Variants in C4orf51 observed in about 807,000 individuals in gnomAD.
C4orf51 encodes the protein uncharacterized protein C4orf51.
A neutral mutation model predicts 25.2 loss-of-function variants in C4orf51; 25 were observed. The ratio of observed to expected loss-of-function variants is 0.99; its 90% CI spans 0.72 to 1.39. The LOEUF is 1.39. C4orf51 is among the 40% of genes most tolerant of loss of function. The pLI is 0.00. For synonymous variants in C4orf51, 100 were observed against 84.5 expected, an observed-to-expected ratio of 1.18 and a Z score of -1.01; for missense variants, 252 against 239.6, an observed-to-expected ratio of 1.05 and a Z score of -0.34.
intron 1 of C4orf51, among the ~76,000 whole-genome samples, chr4:145,683,734 C>T (rs1489333095): frequency 6.6e-6 from 1 of 152,142 alleles, no homozygotes; most frequent in African/African-American, 2.4e-5. Flanking sequence ...ATACCATTCA[C>T]AAAAATTAAC....
the C4orf51 span, among the ~76,000 whole-genome samples, chr4:145,784,323 A>G: frequency 8.3e-4 from 126 of 152,350 alleles, no homozygotes; most frequent in Admixed American, 1.2e-3. Context: ...TGTGAGGGAA[A>G]TAAGTCCCTG....
intron 2 of C4orf51, among the ~76,000 whole-genome samples, chr4:145,702,475 A>G (rs933143394): frequency 2.6e-5 from 4 of 152,092 alleles, no homozygotes; most frequent in Non-Finnish European, 5.9e-5. Flanking sequence ...GACAGCCCCC[A>G]TTACTTCAGT....
chr4:145,724,880 C>CAAAAAAAAA (rs1222983724), intron 2 of C4orf51, among the ~76,000 whole-genome samples: 63 of 68,090 alleles, frequency 9.3e-4, no homozygotes, highest in East Asian at 1.3e-3. Context: ...AAGACTGTCT[C>CAAAAAAAAA]AAAAAAAAAA....
intron 2 of C4orf51, among the ~76,000 whole-genome samples, chr4:145,725,615 A>T (rs1286600061): frequency 2.0e-5 from 3 of 152,174 alleles, no homozygotes; most frequent in Non-Finnish European, 2.9e-5. Context: ...AAAAGAACAA[A>T]ATACTAAAAC....
the C4orf51 span, among the ~76,000 whole-genome samples, chr4:145,776,470 A>G: frequency 1.3e-5 from 1 of 74,908 alleles, no homozygotes; most frequent in African/African-American, 6.0e-5. Flanking sequence ...CAAAAAAAAG[A>G]AAAAAAAAAA....
downstream of C4orf51, among the ~76,000 whole-genome samples, chr4:145,775,033 G>A (rs772885728): frequency 2.0e-5 from 3 of 152,128 alleles, no homozygotes; most frequent in African/African-American, 7.2e-5. Context: ...AGTGGTGCCG[G>A]TCCACTGATA....
chr4:145,774,551 T>C (rs199894877), downstream of C4orf51: 126 of 1,612,506 alleles, frequency 7.8e-5, no homozygotes, highest in Non-Finnish European at 6.9e-5. Context: ...GCTTCCTCCA[T>C]GGTGACGAAG....
At chr4:145,729,012 T>C (rs913899064) in intron 3 of C4orf51, among the ~76,000 whole-genome samples, 157 bp from the exon 4 acceptor site, 6 of 151,900 alleles carry the variant, frequency 3.9e-5, no homozygotes, top group Non-Finnish European at 8.8e-5. Context: ...CCCAAGTGGC[T>C]GAGACTACAC....
chr4:145,699,087 C>T (rs74212310), intron 2 of C4orf51, among the ~76,000 whole-genome samples: 4 of 151,654 alleles, frequency 2.6e-5, no homozygotes, highest in Admixed American at 6.6e-5. Flanking sequence ...CACTCCTGCC[C>T]GCCAGAGAAC....
downstream of C4orf51, among the ~76,000 whole-genome samples, chr4:145,737,226 A>T (rs1049339039): frequency 6.6e-6 from 1 of 152,196 alleles, no homozygotes; most frequent in African/African-American, 2.4e-5. Context: ...AGATTCAGGG[A>T]TCACATTTCC....
At chr4:145,699,383 G>A (rs1385668720) in intron 2 of C4orf51, among the ~76,000 whole-genome samples, 3 of 149,366 alleles carry the variant, frequency 2.0e-5, no homozygotes, top group Admixed American at 1.3e-4. Context: ...TCCTCAGACC[G>A]ACCAGCCCAA....
At chr4:145,741,916 G>C (rs958444520) in intron 1 of C4orf51, among the ~76,000 whole-genome samples, 1 of 152,074 alleles carries the variant, frequency 6.6e-6, no homozygotes, top group African/African-American at 2.4e-5. Flanking sequence ...GGCCAGGGTG[G>C]TCTCAAACTC....
chr4:145,685,516 G>C (rs1729097921), intron 1 of C4orf51, among the ~76,000 whole-genome samples: 1 of 152,200 alleles, frequency 6.6e-6, no homozygotes, highest in Non-Finnish European at 1.5e-5. Flanking sequence ...GTGTGTGAGA[G>C]GGTCGTGCTC....
intron 1 of C4orf51, among the ~76,000 whole-genome samples, chr4:145,687,291 C>G (rs60087837): frequency 0.037 from 5,565 of 152,206 alleles, 293 homozygotes; most frequent in African/African-American, 0.12. Flanking sequence ...AGTTGTCCTG[C>G]CTTTCCAGAC....
chr4:145,693,115 G>C (rs1366462027), intron 1 of C4orf51, among the ~76,000 whole-genome samples: 4 of 146,644 alleles, frequency 2.7e-5, no homozygotes, highest in Non-Finnish European at 6.0e-5. Flanking sequence ...CAATAGTGGA[G>C]GGAAGGTCAG....
the C4orf51 span, among the ~76,000 whole-genome samples, chr4:145,785,085 A>C: frequency 6.6e-6 from 1 of 152,194 alleles, no homozygotes; most frequent in African/African-American, 2.4e-5. Flanking sequence ...AAATGAAGCA[A>C]ATAGGTGTGT....
chr4:145,718,672 C>CTAATT (rs1453847429), intron 2 of C4orf51, among the ~76,000 whole-genome samples: 1 of 152,180 alleles, frequency 6.6e-6, no homozygotes, highest in Non-Finnish European at 1.5e-5. Flanking sequence ...CAACAAAATC[C>CTAATT]TAATTTTTTA....
At chr4:145,709,709 G>A (rs1156793653) in intron 2 of C4orf51, among the ~76,000 whole-genome samples, 3 of 152,212 alleles carry the variant, frequency 2.0e-5, no homozygotes, top group Non-Finnish European at 2.9e-5. Flanking sequence ...GGTAATTTTA[G>A]TTGAAAAAGC....
At chr4:145,744,289 T>G (rs1292730958) in intron 1 of C4orf51, among the ~76,000 whole-genome samples, 1 of 152,070 alleles carries the variant, frequency 6.6e-6, no homozygotes, top group Non-Finnish European at 1.5e-5. Flanking sequence ...AGAAAAGGGA[T>G]AGGGAATAAT....
Sources: allele counts gnomAD v4.1 joint callset (sites outside exome capture counted in the v4.1 genomes callset), GRCh38; gene constraint gnomAD v4.1.1; transcripts MANE v1.5; gene names NCBI Gene and HGNC (gene_info 2026-07-23, HGNC 2026-07-21).